The following CLVS1 variants were observed in gnomAD, a reference collection of about 807,000 sequenced individuals.
CLVS1 encodes clavesin-1.
A neutral mutation model predicts 33.1 loss-of-function variants in CLVS1; 10 were observed. The observed-to-expected ratio is 0.30, with a 90% CI of 0.19 to 0.51. The LOEUF (loss-of-function observed/expected upper bound fraction) is 0.51, where lower values mean the gene tolerates loss of function less well. Among genes scored for constraint, CLVS1 ranks in the 20% least tolerant of loss-of-function variants. CLVS1 has a pLI of 0.97. For synonymous variants in CLVS1, 163 were observed against 166.1 expected, an observed-to-expected ratio of 0.98 and a Z score of 0.14; for missense variants, 343 against 433.4, an observed-to-expected ratio of 0.79 and a Z score of 1.85.
At chr8:61,376,491 A>G in intron 2 of CLVS1, 114 bp from the exon 3 acceptor site, 3 of 896,462 alleles carry the variant, frequency 3.3e-6, no homozygotes, top group African/African-American at 1.7e-5. Context: ...CGCCAGTGTG[A>G]CCCTCCAGGC....
At chr8:61,416,088 C>T (rs1053982542) in intron 3 of CLVS1, among the ~76,000 whole-genome samples, 1 of 152,196 alleles carries the variant, frequency 6.6e-6, no homozygotes, top group South Asian at 2.1e-4. Flanking sequence ...TAGCCACCTG[C>T]AGATGTGGAG....
intron 5 of CLVS1, among the ~76,000 whole-genome samples, chr8:61,475,563 T>C (rs1265294837): frequency 6.6e-6 from 1 of 152,260 alleles, no homozygotes; most frequent in East Asian, 1.9e-4. Context: ...TGAGCATTTT[T>C]TCATGTGTTT....
At chr8:61,217,587 G>A (rs1808116199) in intron 2 of CLVS1, among the ~76,000 whole-genome samples, 1 of 152,024 alleles carries the variant, frequency 6.6e-6, no homozygotes, top group Non-Finnish European at 1.5e-5. Context: ...ATAAAAACTG[G>A]CCTAGGAAAA....
intron 1 of CLVS1, among the ~76,000 whole-genome samples, chr8:61,067,081 T>G (rs1804697036): frequency 6.6e-6 from 1 of 152,028 alleles, no homozygotes; most frequent in Non-Finnish European, 1.5e-5. Context: ...GAGAAGGACA[T>G]TAACACGTTG....
rs1804404191 is a variant in CLVS1 at position 61,498,967 on chromosome 8, ATC to A, written c.978-486_978-485del. On this transcript the variant is annotated intron_variant, in intron 5 of 5. Transcript: ENST00000325897. ...ATTAAAAATTCAACAAACTTTATAT[ATC>A]TGAAGGTACACAGAATATTTAGATG... 3.9e-5 allele frequency among the ~76,000 whole-genome samples: 6 copies of A among 152,310 alleles called. No homozygotes were observed. In the South Asian group the frequency reaches 1.0e-3, roughly 26 times the overall value.
At chr8:61,484,881 G>A (rs1347463197) in intron 5 of CLVS1, among the ~76,000 whole-genome samples, 1 of 152,142 alleles carries the variant, frequency 6.6e-6, no homozygotes. Context: ...TGGGAAAACT[G>A]GCTAGCCATA....
At chr8:61,489,570 T>C (rs1293048531) in intron 5 of CLVS1, among the ~76,000 whole-genome samples, 4 of 152,218 alleles carry the variant, frequency 2.6e-5, no homozygotes, top group African/African-American at 9.6e-5. Flanking sequence ...CAGATGAAGA[T>C]TGTCGTGAAG....
chr8:61,285,722 C>G (rs531465807), upstream of CLVS1, among the ~76,000 whole-genome samples: 1 of 152,208 alleles, frequency 6.6e-6, no homozygotes, highest in South Asian at 2.1e-4. Flanking sequence ...GGTAAAGACT[C>G]TATCCACGTG....
At chr8:61,394,430 A>C (rs371513498) in intron 3 of CLVS1, among the ~76,000 whole-genome samples, 6 of 152,140 alleles carry the variant, frequency 3.9e-5, no homozygotes, top group Non-Finnish European at 1.5e-5. Context: ...CTAGAAGAGC[A>C]TGTAGAGAAA....
intron 1 of CLVS1, among the ~76,000 whole-genome samples, chr8:61,096,697 G>A (rs1469623838): frequency 1.3e-5 from 2 of 152,138 alleles, no homozygotes; most frequent in Non-Finnish European, 2.9e-5. Flanking sequence ...AAGTGAGTGA[G>A]CCTGGATCTG....
chr8:61,150,342 T>G (rs1399336976), intron 2 of CLVS1, among the ~76,000 whole-genome samples: 1 of 152,196 alleles, frequency 6.6e-6, no homozygotes, highest in Non-Finnish European at 1.5e-5. Context: ...CGCTTAGGAC[T>G]TCCCATGGTT....
At chr8:61,006,242 A>G in the CLVS1 span, among the ~76,000 whole-genome samples, 1 of 152,222 alleles carries the variant, frequency 6.6e-6, no homozygotes, top group African/African-American at 2.4e-5. Flanking sequence ...CCAGAAGCCA[A>G]ATCAATTATT....
the CLVS1 span, among the ~76,000 whole-genome samples, chr8:61,045,853 G>C: frequency 6.6e-6 from 1 of 152,158 alleles, no homozygotes; most frequent in Non-Finnish European, 1.5e-5. Flanking sequence ...TAGACAACCA[G>C]GCATAGAGAA....
intron 1 of CLVS1, among the ~76,000 whole-genome samples, chr8:61,097,150 A>C (rs1164322260): frequency 6.6e-6 from 1 of 151,912 alleles, no homozygotes; most frequent in African/African-American, 2.4e-5. Flanking sequence ...CACTGAGGCC[A>C]GGAGTTTGAG....
chr8:61,255,791 C>CTA (rs1585726497), intron 2 of CLVS1, among the ~76,000 whole-genome samples: 1 of 152,126 alleles, frequency 6.6e-6, no homozygotes, highest in East Asian at 1.9e-4. Context: ...CTTGAACCTA[C>CTA]TATAAGAAGT....
At chr8:61,390,956 G>C (rs1329480620) in intron 3 of CLVS1, 1 of 148,016 alleles carries the variant, frequency 6.8e-6, no homozygotes, top group African/African-American at 2.5e-5. Context: ...AAACTCACTA[G>C]TGTTTTCTTC....
the CLVS1 span, among the ~76,000 whole-genome samples, chr8:61,008,192 C>T: frequency 5.3e-5 from 8 of 152,090 alleles, no homozygotes; most frequent in African/African-American, 7.2e-5. Flanking sequence ...TCCCTGAACG[C>T]GCAATTACTT....
intron 2 of CLVS1, among the ~76,000 whole-genome samples, chr8:61,327,786 C>T (rs947841662): frequency 6.6e-6 from 1 of 152,126 alleles, no homozygotes; most frequent in Non-Finnish European, 1.5e-5. Context: ...ACATTTAAGA[C>T]CCCTCACATT....
intron 2 of CLVS1, among the ~76,000 whole-genome samples, chr8:61,270,742 G>T (rs1809419681): frequency 1.3e-5 from 2 of 152,058 alleles, no homozygotes; most frequent in African/African-American, 4.8e-5. Context: ...TTTACTCTTG[G>T]GAGAGTGTAT....
Sources: allele counts gnomAD v4.1 joint callset (sites outside exome capture counted in the v4.1 genomes callset), GRCh38; gene constraint gnomAD v4.1.1; transcripts MANE v1.5; gene names NCBI Gene and HGNC (gene_info 2026-07-23, HGNC 2026-07-21).